Variants in FRMPD4 observed in about 807,000 individuals in gnomAD.
FRMPD4 encodes FERM and PDZ domain-containing protein 4.
In FRMPD4, 22 loss-of-function variants were observed where a neutral mutation model predicts 94.1. The ratio of observed to expected loss-of-function variants is 0.23; its 90% confidence interval spans 0.17 to 0.33. The LOEUF (loss-of-function observed/expected upper bound fraction) is 0.33. Among genes scored for constraint, FRMPD4 ranks in the 10% least tolerant of loss-of-function variants. The pLI is 1.00. For missense variants in FRMPD4, 1,111 were observed against 1,339.9 expected, an observed-to-expected ratio of 0.83 and a Z score of 2.67; for synonymous variants, 631 against 548.6, an observed-to-expected ratio of 1.15 and a Z score of -2.10.
chrX:12,304,966 C>T (rs1156722331), intron 1 of FRMPD4, among the ~76,000 whole-genome samples: 4 of 111,396 alleles, frequency 3.6e-5, no homozygotes, highest in East Asian at 2.8e-4. Flanking sequence ...AGTTGCAGCC[C>T]GCCGCAAGAT....
chrX:12,202,524 C>T (rs1179200622), intron 1 of FRMPD4, among the ~76,000 whole-genome samples: 3 of 111,973 alleles, frequency 2.7e-5, no homozygotes, highest in African/African-American at 9.7e-5. Flanking sequence ...AGTATCCTTC[C>T]CATTATGCTC....
At chrX:11,973,939 C>G (rs958437333) in intron 3 of FRMPD4, among the ~76,000 whole-genome samples, 2 of 111,096 alleles carry the variant, frequency 1.8e-5, no homozygotes, top group African/African-American at 3.3e-5. Context: ...GTTAACAGAC[C>G]CAGGGCACAG....
rs144417594 is a variant in FRMPD4 at position 12,527,813 on chromosome X, G to A, written c.158+29017G>A. 1.5e-3 allele frequency among the ~76,000 whole-genome samples: 164 copies of A among 112,149 alleles called. 1 individual carries two copies. Among genetic ancestry groups the A allele is most frequent in the African/African-American group, 5.1e-3 (157 of 30,954 alleles). Reference sequence around the variant, plus strand: ...AACTTTCTTACAGAGATGGGATGCCGTTGTTGGAATTTTTCCTAAGATGTT... The same window carrying A: ...AACTTTCTTACAGAGATGGGATGCCATTGTTGGAATTTTTCCTAAGATGTT... On this transcript the variant is annotated intron_variant, in intron 2 of 16. Transcript: ENST00000675598.
At chrX:12,484,413 A>G (rs1013073486) in intron 1 of FRMPD4, among the ~76,000 whole-genome samples, 2 of 112,045 alleles carry the variant, frequency 1.8e-5, no homozygotes, top group African/African-American at 6.5e-5. Flanking sequence ...CTGCTGCAGT[A>G]AAGATTCACC....
At chrX:12,331,653 T>TTATATAATATATAAA (rs1401023589) in intron 1 of FRMPD4, among the ~76,000 whole-genome samples, 1 of 77,445 alleles carries the variant, frequency 1.3e-5, no homozygotes, top group Non-Finnish European at 2.3e-5. Context: ...AATTATATAT[T>TTATATAATATATAAA]TATATAATAT....
chrX:12,657,681 T>C (rs778098553), intron 4 of FRMPD4, among the ~76,000 whole-genome samples: 1 of 112,158 alleles, frequency 8.9e-6, no homozygotes, highest in South Asian at 3.8e-4. Context: ...GTGTGTTCAG[T>C]GTGTAAATTT....
At chrX:12,478,358 G>A (rs1414832577) in intron 1 of FRMPD4, among the ~76,000 whole-genome samples, 1 of 111,657 alleles carries the variant, frequency 9.0e-6, no homozygotes, top group African/African-American at 3.3e-5. Flanking sequence ...CAGATCGCAT[G>A]AGGCCAGGAG....
chrX:12,537,442 T>G (rs1170536341), intron 2 of FRMPD4, among the ~76,000 whole-genome samples: 1 of 105,077 alleles, frequency 9.5e-6, no homozygotes, highest in Non-Finnish European at 1.9e-5. Context: ...CAACAATATA[T>G]ATTTTTTTTT....
chrX:12,720,994 G>A lies in FRMPD4; in HGVS notation c.4425G>A (p.Val1475=). ...SEGRFHKRSP[V]AHKDSKLYRT... The stretch of plus-strand genomic sequence containing the variant: ...GGAGGTTTCACAAAAGGTCCCCAGT[G>A]GCTCATAAAGACTCAAAGCTGTATA... Residue 1475 remains valine, a synonymous_variant, in exon 17 of 17, where the codon GTG becomes GTA. Coordinates refer to ENST00000675598, the MANE Select transcript of FRMPD4 (RefSeq NM_001368397.1). 1 of 772,762 alleles carries A rather than the reference G, an allele frequency of 1.3e-6. No individual in the cohort carries two copies. The highest frequency in any genetic ancestry group is 1.5e-6 in the Non-Finnish European group (1 of 649,472). 63.7% of individuals were successfully genotyped at this position (772,762 alleles called of 1,213,427 possible). A position where few individuals can be genotyped will look rare whatever the true frequency, so the allele number is the denominator to read the frequency against.
intron 1 of FRMPD4, among the ~76,000 whole-genome samples, chrX:12,230,360 A>G (rs903793545): frequency 2.7e-5 from 3 of 111,582 alleles, no homozygotes; most frequent in African/African-American, 9.8e-5. Flanking sequence ...GTGTATAAGG[A>G]GCTGGACACT....
intron 3 of FRMPD4, among the ~76,000 whole-genome samples, chrX:12,082,803 C>G (rs769209861): frequency 8.9e-6 from 1 of 111,794 alleles, no homozygotes; most frequent in Non-Finnish European, 1.9e-5. Context: ...AGCAAAGAGA[C>G]TAGCGGCATT....
intron 2 of FRMPD4, among the ~76,000 whole-genome samples, chrX:12,512,240 G>A (rs1189278328): frequency 8.9e-6 from 1 of 112,226 alleles, no homozygotes; most frequent in Non-Finnish European, 1.9e-5. Flanking sequence ...TTAAGTTCTG[G>A]GATACATGTG....
At chrX:12,215,281 C>A (rs761627255) in intron 1 of FRMPD4, among the ~76,000 whole-genome samples, 2 of 110,727 alleles carry the variant, frequency 1.8e-5, no homozygotes, top group East Asian at 5.7e-4. Context: ...AAAGGCAGCC[C>A]CTCCTCCTCT....
At chrX:12,420,750 G>A (rs1399313474) in intron 1 of FRMPD4, among the ~76,000 whole-genome samples, 1 of 112,239 alleles carries the variant, frequency 8.9e-6, no homozygotes, top group African/African-American at 3.2e-5. Context: ...GCTCTGTGAT[G>A]GCGTTTGTCA....
chrX:11,892,917 CAAAATT>C (rs998548822), intron 3 of FRMPD4, among the ~76,000 whole-genome samples: 4 of 111,729 alleles, frequency 3.6e-5, no homozygotes, highest in Admixed American at 9.4e-5. Context: ...ACCCGGACGT[CAAAATT>C]AAAAGAAAAA....
At chrX:12,425,645 C>G (rs764050384) in intron 1 of FRMPD4, among the ~76,000 whole-genome samples, 1 of 111,507 alleles carries the variant, frequency 9.0e-6, no homozygotes, top group African/African-American at 3.3e-5. Flanking sequence ...GTAGGGGCTA[C>G]TGACATCCTG....
chrX:11,986,782 G>A (rs1294149417), intron 3 of FRMPD4, among the ~76,000 whole-genome samples: 1 of 110,535 alleles, frequency 9.0e-6, no homozygotes, highest in Non-Finnish European at 1.9e-5. Flanking sequence ...TGGCTACTAT[G>A]AGGAACTATA....
chrX:12,366,334 C>T (rs2056078238), intron 1 of FRMPD4, among the ~76,000 whole-genome samples: 1 of 111,812 alleles, frequency 8.9e-6, no homozygotes, highest in Non-Finnish European at 1.9e-5. Context: ...GATGAACCTC[C>T]TTGCCATCAG....
intron 4 of FRMPD4, among the ~76,000 whole-genome samples, chrX:12,633,843 T>C (rs1033154230): frequency 8.9e-6 from 1 of 112,317 alleles, no homozygotes; most frequent in Non-Finnish European, 1.9e-5. Context: ...TTTAAATCAG[T>C]CTTTATTATG....
Sources: gnomAD v4.1 joint callset for allele counts (sites outside exome capture counted in the v4.1 genomes callset) on GRCh38, gnomAD v4.1.1 for gene constraint, MANE v1.5 for transcripts, NCBI Gene and HGNC (gene_info 2026-07-23, HGNC 2026-07-21) for gene names.